RORA: variants seen among roughly 807,000 people sequenced by gnomAD.
RORA encodes the protein nuclear receptor ROR-alpha.
A neutral mutation model predicts 69.5 loss-of-function variants in RORA; 7 were observed. The ratio of observed to expected loss-of-function variants is 0.10; its 90% CI spans 0.06 to 0.19. The LOEUF (loss-of-function observed/expected upper bound fraction) is 0.19, where lower values mean the gene tolerates loss of function less well. Ranked by LOEUF, RORA falls within the 10% of genes least tolerant of loss-of-function variation. RORA has a pLI of 1.00. For synonymous variants in RORA, 261 were observed against 240.8 expected (o/e 1.08, Z -0.78); for missense variants, 457 against 663.0 (o/e 0.69, Z 3.41).
intron 1 of RORA, among the ~76,000 whole-genome samples, chr15:60,717,795 TC>T (rs1319769066): frequency 9.4e-6 from 1 of 106,012 alleles, no homozygotes; most frequent in African/African-American, 3.6e-5. Context: ...TTTCTTTTTC[TC>T]TTTTTTTTTT....
chr15:61,042,951 G>C (rs1027590802), intron 1 of RORA, among the ~76,000 whole-genome samples: 11 of 152,174 alleles, frequency 7.2e-5, no homozygotes, highest in African/African-American at 2.2e-4. Context: ...AACTGAGCAA[G>C]GGCAAGTTTA....
chr15:60,784,305 A>G (rs1457177641), intron 1 of RORA, among the ~76,000 whole-genome samples: 4 of 152,182 alleles, frequency 2.6e-5, no homozygotes, highest in African/African-American at 7.2e-5. Context: ...GGCCTCCCCA[A>G]ATGTTACTGA....
intron 2 of RORA, among the ~76,000 whole-genome samples, chr15:60,552,188 A>G: frequency 6.6e-6 from 1 of 152,202 alleles, no homozygotes; most frequent in East Asian, 1.9e-4. Flanking sequence ...TCAAACAGGA[A>G]AATTACACTG....
intron 1 of RORA, among the ~76,000 whole-genome samples, chr15:60,912,533 T>A (rs903236718): frequency 6.6e-6 from 1 of 151,866 alleles, no homozygotes; most frequent in Admixed American, 6.6e-5. Context: ...GGCATGTGGA[T>A]CACGAGATCA....
chr15:60,686,018 G>A (rs766840287), intron 1 of RORA, among the ~76,000 whole-genome samples: 2 of 152,058 alleles, frequency 1.3e-5, no homozygotes, highest in Non-Finnish European at 2.9e-5. Context: ...TTTGAAAAAT[G>A]GTTATGGGAA....
At chr15:60,539,863 C>A (rs1368656437) in intron 2 of RORA, among the ~76,000 whole-genome samples, 1 of 151,956 alleles carries the variant, frequency 6.6e-6, no homozygotes, top group Admixed American at 6.6e-5. Flanking sequence ...TCTCAGTTGG[C>A]GTAAGGTCCC....
In RORA at chr15:60,826,070, C is replaced by T. The variant is rs570107010; in HGVS notation, c.167-147384G>A. Among the ~76,000 whole-genome samples the T allele has an allele frequency of 3.9e-5, 6 of 152,246 alleles. No individual in the cohort carries two copies. In the South Asian group the frequency reaches 6.2e-4, roughly 16 times the overall value. ...CTTAGGCAGGGCCAATTGGTCAGAC[C>T]GCTTTCCAAATATGAGGAAGCCACA... On this transcript the variant is annotated intron_variant, in intron 1 of 10. Coordinates refer to ENST00000335670, the MANE Select transcript of RORA (RefSeq NM_134261.3).
At position 60,601,069 on chromosome 15, in the gene RORA, C is replaced by T. The variant is rs147797805; in HGVS notation, c.197-69218G>A. 72 of 152,290 alleles carry T rather than the reference C, an allele frequency of 4.7e-4. No homozygotes were observed. In the East Asian group the frequency reaches 0.012, roughly 24 times the overall value. 9.4% of individuals were successfully genotyped at this position (152,290 alleles called of 1,614,324 possible). A position where few individuals can be genotyped will look rare whatever the true frequency, so the allele number is the denominator to read the frequency against. On this transcript the variant is annotated intron_variant, in intron 2 of 10. Transcript: ENST00000335670. ...AGAAAAAAATCCAGGTACACTGATT[C>T]TAGCATGTGCACTCCTAAACATTAT...
At chr15:61,187,128 C>T (rs1314599829) in intron 1 of RORA, among the ~76,000 whole-genome samples, 1 of 152,244 alleles carries the variant, frequency 6.6e-6, no homozygotes, top group Non-Finnish European at 1.5e-5. Context: ...TGGCAGGCTG[C>T]CAGGTTTAAG....
intron 1 of RORA, among the ~76,000 whole-genome samples, chr15:60,842,123 C>G (rs941665480): frequency 1.3e-5 from 2 of 152,038 alleles, no homozygotes; most frequent in Non-Finnish European, 2.9e-5. Flanking sequence ...CTAAAGTTCA[C>G]GAATTTGTGT....
At chr15:60,987,332 T>C (rs1595863090) in intron 1 of RORA, among the ~76,000 whole-genome samples, 1 of 152,188 alleles carries the variant, frequency 6.6e-6, no homozygotes, top group African/African-American at 2.4e-5. Context: ...GACTCCAGAT[T>C]ATCCAAGTCT....
intron 2 of RORA, among the ~76,000 whole-genome samples, chr15:60,651,275 G>A (rs868862548): frequency 3.9e-5 from 6 of 152,090 alleles, no homozygotes; most frequent in African/African-American, 1.4e-4. Flanking sequence ...GTTCATCTCC[G>A]AGAAGCAAGA....
At chr15:60,608,165 C>A (rs989311318) in intron 2 of RORA, among the ~76,000 whole-genome samples, 1 of 152,146 alleles carries the variant, frequency 6.6e-6, no homozygotes, top group African/African-American at 2.4e-5. Flanking sequence ...CCTGCATAGA[C>A]GGAGGAAAGG....
chr15:60,928,050 C>T (rs1432879997), intron 1 of RORA, among the ~76,000 whole-genome samples: 2 of 152,138 alleles, frequency 1.3e-5, no homozygotes, highest in African/African-American at 4.8e-5. Context: ...GCAAGATTTT[C>T]CTCCCATCCT....
At chr15:61,167,322 G>A (rs1257495464) in intron 1 of RORA, among the ~76,000 whole-genome samples, 1 of 152,004 alleles carries the variant, frequency 6.6e-6, no homozygotes, top group African/African-American at 2.4e-5. Flanking sequence ...TCCAGAAAAT[G>A]ACAATGTTCT....
intron 1 of RORA, among the ~76,000 whole-genome samples, chr15:61,084,957 C>T (rs2078600716): frequency 6.6e-6 from 1 of 151,864 alleles, no homozygotes; most frequent in African/African-American, 2.4e-5. Context: ...CCCCAAGTGA[C>T]TCTTAATCCT....
chr15:61,036,690 G>C (rs937564917), intron 1 of RORA, among the ~76,000 whole-genome samples: 2 of 150,886 alleles, frequency 1.3e-5, no homozygotes, highest in Admixed American at 1.3e-4. Context: ...TCTAAAGTTA[G>C]GCAGTACAAA....
chr15:61,137,099 GAAAA>G (rs1379240849), intron 1 of RORA, among the ~76,000 whole-genome samples: 33 of 145,066 alleles, frequency 2.3e-4, no homozygotes, highest in Middle Eastern at 3.6e-3. Context: ...AAGAAAGAAA[GAAAA>G]AAGCAAGGGT....
chr15:60,935,415 C>T (rs1334944365), intron 1 of RORA, among the ~76,000 whole-genome samples: 1 of 152,224 alleles, frequency 6.6e-6, no homozygotes, highest in South Asian at 2.1e-4. Context: ...CCCACAGTGT[C>T]CATGCTGCCA....
Sources: gnomAD v4.1 joint callset for allele counts (sites outside exome capture counted in the v4.1 genomes callset) on GRCh38, gnomAD v4.1.1 for gene constraint, MANE v1.5 for transcripts, NCBI Gene and HGNC (gene_info 2026-07-23, HGNC 2026-07-21) for gene names.